CDK13: variants seen among roughly 807,000 people sequenced by gnomAD.
The protein encoded by CDK13 is cyclin dependent kinase 13, also known as cyclin-dependent kinase 13.
In CDK13, 40 loss-of-function variants were observed where a neutral mutation model predicts 137.6. That is an observed-to-expected ratio of 0.29 (90% confidence interval 0.23 to 0.38). CDK13 has a LOEUF of 0.38. CDK13 is among the 10% of genes least tolerant of loss of function. CDK13 has a pLI of 1.00. For synonymous variants in CDK13, 869 were observed against 760.1 expected (o/e 1.14, Z -2.36); for missense variants, 1,704 against 1,951.8 (o/e 0.87, Z 2.39).
intron 5 of CDK13, among the ~76,000 whole-genome samples, chr7:40,009,260 C>T (rs1784850264): frequency 1.3e-5 from 2 of 152,224 alleles, no homozygotes; most frequent in South Asian, 4.1e-4. Flanking sequence ...CATAATGTCA[C>T]TTGGGTGAAA....
At chr7:40,020,742 G>T (rs1333594957) in intron 5 of CDK13, among the ~76,000 whole-genome samples, 1 of 152,170 alleles carries the variant, frequency 6.6e-6, no homozygotes, top group South Asian at 2.1e-4. Flanking sequence ...GAAATGCTTT[G>T]TAGGTAAAAT....
rs745475754 is a variant in CDK13, at chr7:39,951,856, A to AGTTCTGCC, written c.1211+13_1211+20dup. 1.5e-6 allele frequency: 2 copies of AGTTCTGCC among 1,365,632 alleles called. No homozygotes were observed. The highest frequency in any genetic ancestry group is 1.9e-5 in the South Asian group (1 of 51,612). 84.6% of individuals were successfully genotyped at this position (1,365,632 alleles called of 1,614,324 possible). ...GTCCCTACAGCCCTGTGCTCAGGTGAGTTCTGCCGTTCTGCCTGTGTGTGC... is the reference window on the plus strand; with the variant it reads ...GTCCCTACAGCCCTGTGCTCAGGTGAGTTCTGCCGTTCTGCCGTTCTGCCTGTGTGTGC... On this transcript the variant is annotated splice_donor_region_variant and intron_variant, in intron 1 of 13. Transcript: ENST00000181839.
Position 40,038,717 on chromosome 7 carries a change from C to T in CDK13, c.2354-7119C>T, listed in dbSNP as rs569887598. Among the ~76,000 whole-genome samples the T allele has an allele frequency of 1.1e-4, 17 of 152,116 alleles. No homozygotes were observed. In the East Asian group the frequency reaches 1.4e-3, roughly 12 times the overall value. Reference sequence around the variant, plus strand: ...TAATTAATTTATATTTATTTTGAGACGGAGTTTCGCTCTTGTTGCCCAGGC... The same window carrying T: ...TAATTAATTTATATTTATTTTGAGATGGAGTTTCGCTCTTGTTGCCCAGGC... On this transcript the variant is annotated intron_variant, in intron 5 of 13. Transcript: ENST00000181839.
chr7:40,041,503 AC>A (rs1205354784), intron 5 of CDK13, among the ~76,000 whole-genome samples: 1 of 152,052 alleles, frequency 6.6e-6, no homozygotes, highest in African/African-American at 2.4e-5. Context: ...TTTTCTATAT[AC>A]TTTTAATAAT....
intron 1 of CDK13, among the ~76,000 whole-genome samples, chr7:39,968,022 A>G (rs573610628): frequency 6.6e-6 from 1 of 152,286 alleles, no homozygotes; most frequent in Non-Finnish European, 1.5e-5. Flanking sequence ...CTAATCACCA[A>G]ATCCAACTGT....
chr7:40,048,708 T>G (rs1454528178), intron 7 of CDK13: 1 of 151,292 alleles, frequency 6.6e-6, no homozygotes, highest in African/African-American at 2.5e-5. Flanking sequence ...TTACTTTCAT[T>G]TAATCTTTGC....
At chr7:40,033,197 C>T (rs952584913) in intron 5 of CDK13, among the ~76,000 whole-genome samples, 1 of 152,138 alleles carries the variant, frequency 6.6e-6, no homozygotes, top group African/African-American at 2.4e-5. Context: ...CTCAGGTGAT[C>T]TGCCCACCTC....
At chr7:39,959,231 G>T (rs1042498617) in intron 1 of CDK13, among the ~76,000 whole-genome samples, 1 of 149,910 alleles carries the variant, frequency 6.7e-6, no homozygotes, top group African/African-American at 2.5e-5. Flanking sequence ...GTGCGATCTC[G>T]GCTCACCGCA....
chr7:39,959,470 C>CT lies in CDK13; in HGVS notation c.1211+7630dup, dbSNP rs879337341. Among the ~76,000 whole-genome samples the CT allele has an allele frequency of 1.9e-3, 280 of 143,638 alleles. 1 individual carries two copies. The highest frequency in any genetic ancestry group is 3.7e-3 in the South Asian group (17 of 4,542). The allele number at this position is 143,638 out of a possible 152,430, so 94.2% of individuals were successfully genotyped here. A position where few individuals can be genotyped will look rare whatever the true frequency, so the allele number is the denominator to read the frequency against. On this transcript the variant is annotated intron_variant, in intron 1 of 13. Coordinates refer to ENST00000181839, the MANE Select transcript of CDK13 (RefSeq NM_003718.5). Reference sequence around the variant, plus strand: ...GCCACCGTGCCTGGCCTTTTTCTTTCTTTTTTTTTTTTAATTGAGACCGGG... The same window carrying CT: ...GCCACCGTGCCTGGCCTTTTTCTTTCTTTTTTTTTTTTTAATTGAGACCGGG...
At chr7:40,059,901 GT>G (rs1221652690) in intron 7 of CDK13, among the ~76,000 whole-genome samples, 1 of 152,100 alleles carries the variant, frequency 6.6e-6, no homozygotes, top group Non-Finnish European at 1.5e-5. Context: ...ACAGTTGAAT[GT>G]TTTGTCTCAG....
intron 7 of CDK13, among the ~76,000 whole-genome samples, chr7:40,059,657 T>G (rs1786097561): frequency 6.6e-6 from 1 of 152,096 alleles, no homozygotes; most frequent in Non-Finnish European, 1.5e-5. Flanking sequence ...GCACCCAGCC[T>G]TCTTGGGATT....
At position 40,024,911 on chromosome 7, in the gene CDK13, G is replaced by A. The variant is rs368885466; in HGVS notation, c.2354-20925G>A. Among the ~76,000 whole-genome samples, 22 of 152,066 alleles carry A rather than the reference G, an allele frequency of 1.4e-4. No homozygotes were observed. In the Middle Eastern group the frequency reaches 0.014, roughly 94 times the overall value. On this transcript the variant is annotated intron_variant, in intron 5 of 13. Coordinates refer to ENST00000181839, the MANE Select transcript of CDK13 (RefSeq NM_003718.5). ...ACTCCTGACCTCAAGTGATTCGCCC[G>A]CCTTGGCCTCCCAAAGTGCTGGGAT...
chr7:39,980,710 G>A (rs1378615339), intron 1 of CDK13, among the ~76,000 whole-genome samples: 1 of 152,190 alleles, frequency 6.6e-6, no homozygotes, highest in Admixed American at 6.5e-5. Context: ...ATTTTCAACA[G>A]TGGAGGACTG....
intron 6 of CDK13, 100 bp from the exon 7 acceptor site, chr7:40,047,721 G>GTTT: frequency 2.3e-5 from 15 of 641,120 alleles, no homozygotes; most frequent in South Asian, 6.7e-5. Context: ...GTTTACATAG[G>GTTT]TTTTTTTTTT....
chr7:40,096,212 A>G lies in CDK13; in HGVS notation c.*1232A>G, dbSNP rs889641299. 2.6e-5 allele frequency: 4 copies of G among 152,142 alleles called. No individual in the cohort carries two copies. Among genetic ancestry groups the G allele is most frequent in the Non-Finnish European group, 4.4e-5 (3 of 68,020 alleles). 9.4% of individuals were successfully genotyped at this position (152,142 alleles called of 1,614,324 possible). A position where few individuals can be genotyped will look rare whatever the true frequency, so the allele number is the denominator to read the frequency against. On this transcript the variant is annotated 3_prime_UTR_variant, in exon 14 of 14. Coordinates refer to ENST00000181839, the MANE Select transcript of CDK13 (RefSeq NM_003718.5). ...TTCTATTCACTTGTTAACTAGAAACATTGCTTAGATTGAATTTATTGAAGC... is the reference window on the plus strand; with the variant it reads ...TTCTATTCACTTGTTAACTAGAAACGTTGCTTAGATTGAATTTATTGAAGC...
intron 5 of CDK13, among the ~76,000 whole-genome samples, chr7:40,045,432 CTT>C (rs11362792): frequency 0.16 from 20,458 of 130,698 alleles, 4,701 homozygotes; most frequent in African/African-American, 0.5. Context: ...GGCCTGTACT[CTT>C]TTTTTTTTTT....
intron 5 of CDK13, among the ~76,000 whole-genome samples, chr7:40,031,669 A>C (rs1052097102): frequency 1.3e-5 from 2 of 151,882 alleles, no homozygotes; most frequent in African/African-American, 4.8e-5. Flanking sequence ...TTTTGGAGAC[A>C]GGATCTCGCT....
intron 9 of CDK13, chr7:40,073,673 C>T (rs1269104009): frequency 1.3e-5 from 2 of 151,568 alleles, no homozygotes; most frequent in African/African-American, 4.9e-5. Context: ...CTCACTGCAA[C>T]CTCTGCCTCC....
intron 1 of CDK13, among the ~76,000 whole-genome samples, chr7:39,967,940 C>G (rs981889800): frequency 3.9e-5 from 6 of 152,030 alleles, no homozygotes; most frequent in Admixed American, 6.5e-5. Flanking sequence ...CCAGGCTGGT[C>G]TCAAACTCCT....
Sources: gnomAD v4.1 joint callset for allele counts (sites outside exome capture counted in the v4.1 genomes callset) on GRCh38, gnomAD v4.1.1 for gene constraint, MANE v1.5 for transcripts, NCBI Gene and HGNC (gene_info 2026-07-23, HGNC 2026-07-21) for gene names.